The following EGFLAM variants were observed in gnomAD, a reference collection of about 807,000 sequenced individuals.
The protein encoded by EGFLAM is pikachurin.
In EGFLAM, 79 loss-of-function variants were observed where a neutral mutation model predicts 113.1. The ratio of observed to expected loss-of-function variants is 0.70; its 90% CI spans 0.58 to 0.84. The LOEUF (loss-of-function observed/expected upper bound fraction) is 0.84, where lower values mean the gene tolerates loss of function less well. Among genes scored for constraint, EGFLAM ranks in the 40% least tolerant of loss-of-function variants. The pLI is 0.00. For synonymous variants in EGFLAM, 504 were observed against 487.6 expected (o/e 1.03, Z -0.44); for missense variants, 1,265 against 1,291.6 (o/e 0.98, Z 0.32).
chr5:38,434,073 CCT>C lies in EGFLAM; in HGVS notation c.2167-1056_2167-1055del, dbSNP rs1330713139. Among the ~76,000 whole-genome samples, 7 of 152,248 alleles carry C rather than the reference CCT, an allele frequency of 4.6e-5. No homozygotes were observed. The East Asian group carries it at 1.4e-3, about 29-fold the overall frequency. On this transcript the variant is annotated intron_variant, in intron 15 of 21. Coordinates refer to ENST00000322350, the MANE Select transcript of EGFLAM (RefSeq NM_152403.4). The stretch of plus-strand genomic sequence containing the variant: ...GGCCAATGATCTTCCAAAGCACAGA[CCT>C]CTCTCTCCTGCTTAAGTCTCATTGC...
chr5:38,368,138 C>T (rs1223046762), intron 5 of EGFLAM, among the ~76,000 whole-genome samples: 3 of 152,112 alleles, frequency 2.0e-5, no homozygotes, highest in Admixed American at 6.6e-5. Context: ...GCTTAGCAAA[C>T]GATAGCAGAG....
intron 1 of EGFLAM, among the ~76,000 whole-genome samples, chr5:38,260,431 C>G (rs1156590516): frequency 6.6e-6 from 1 of 152,124 alleles, no homozygotes; most frequent in South Asian, 2.1e-4. Context: ...TATAAAACTG[C>G]TCATGTGGGT....
chr5:38,450,605 T>A (rs548882527), intron 18 of EGFLAM, among the ~76,000 whole-genome samples: 1 of 152,366 alleles, frequency 6.6e-6, no homozygotes, highest in South Asian at 2.1e-4. Context: ...CTGTGCAAGA[T>A]GAAACACTGA....
At chr5:38,339,042 C>A (rs1361787301) in intron 3 of EGFLAM, among the ~76,000 whole-genome samples, 1 of 152,174 alleles carries the variant, frequency 6.6e-6, no homozygotes, top group Non-Finnish European at 1.5e-5. Flanking sequence ...TGCAAGAAAA[C>A]TGCCACCTTA....
At chr5:38,330,130 C>G (rs1285734448) in intron 1 of EGFLAM, among the ~76,000 whole-genome samples, 1 of 152,128 alleles carries the variant, frequency 6.6e-6, no homozygotes, top group African/African-American at 2.4e-5. Context: ...GTTTTACCCT[C>G]CTTCTAGATG....
At chr5:38,459,298 C>A (rs1463127144) in intron 20 of EGFLAM, among the ~76,000 whole-genome samples, 3 of 147,926 alleles carry the variant, frequency 2.0e-5, no homozygotes, top group Non-Finnish European at 1.5e-5. Flanking sequence ...AGCCACTGCA[C>A]CTGGCCACTT....
intron 1 of EGFLAM, among the ~76,000 whole-genome samples, chr5:38,297,065 G>T (rs533760338): frequency 1.2e-4 from 19 of 152,302 alleles, no homozygotes; most frequent in African/African-American, 4.6e-4. Context: ...CAGATCGGGG[G>T]AGATTAAGAA....
chr5:38,440,512 A>G (rs1235517428), intron 17 of EGFLAM, among the ~76,000 whole-genome samples: 2 of 152,200 alleles, frequency 1.3e-5, no homozygotes, highest in Admixed American at 1.3e-4. Flanking sequence ...TTGGAAAGAA[A>G]AGGAAAAGAG....
chr5:38,440,314 C>T (rs1217154332), intron 17 of EGFLAM, among the ~76,000 whole-genome samples: 1 of 152,150 alleles, frequency 6.6e-6, no homozygotes, highest in Non-Finnish European at 1.5e-5. Context: ...GCAACCTTTC[C>T]AAATCCTGGG....
At chr5:38,341,621 T>C (rs1269868821) in intron 3 of EGFLAM, among the ~76,000 whole-genome samples, 1 of 152,216 alleles carries the variant, frequency 6.6e-6, no homozygotes, top group Non-Finnish European at 1.5e-5. Flanking sequence ...GGCATAGAGA[T>C]GCTATAAATA....
At chr5:38,321,775 C>T (rs1738749160) in intron 1 of EGFLAM, among the ~76,000 whole-genome samples, 1 of 152,122 alleles carries the variant, frequency 6.6e-6, no homozygotes, top group Admixed American at 6.6e-5. Context: ...CCAGCTGAGC[C>T]CAGTTTGTGA....
intron 12 of EGFLAM, among the ~76,000 whole-genome samples, chr5:38,424,124 G>A (rs897313918): frequency 2.0e-5 from 3 of 152,148 alleles, no homozygotes; most frequent in Non-Finnish European, 4.4e-5. Flanking sequence ...GCCAGATGGT[G>A]GTCCATCTGT....
At chr5:38,408,646 G>GA (rs1462884994) in intron 9 of EGFLAM, among the ~76,000 whole-genome samples, 1 of 152,192 alleles carries the variant, frequency 6.6e-6, no homozygotes, top group Non-Finnish European at 1.5e-5. Flanking sequence ...AGAACAAAGT[G>GA]AAAATAGAAT....
chr5:38,371,917 C>T (rs1206684502), intron 6 of EGFLAM, among the ~76,000 whole-genome samples: 2 of 152,144 alleles, frequency 1.3e-5, no homozygotes, highest in African/African-American at 4.8e-5. Context: ...AAGTGAGCAG[C>T]CACTTGGTGC....
intron 6 of EGFLAM, among the ~76,000 whole-genome samples, chr5:38,405,683 C>T (rs572869901): frequency 3.9e-5 from 6 of 152,134 alleles, no homozygotes; most frequent in Non-Finnish European, 8.8e-5. Flanking sequence ...TTTGAACACG[C>T]CTTTTGGTAC....
intron 1 of EGFLAM, among the ~76,000 whole-genome samples, chr5:38,334,445 G>A (rs1011337770): frequency 6.6e-6 from 1 of 152,104 alleles, no homozygotes; most frequent in Non-Finnish European, 1.5e-5. Context: ...CAGAAGGGGA[G>A]GGGGAGCTCT....
chr5:38,283,040 A>G lies in EGFLAM; in HGVS notation c.97+24189A>G, dbSNP rs543843875. Among the ~76,000 whole-genome samples, 4 of 152,226 alleles carry G rather than the reference A, an allele frequency of 2.6e-5. No homozygotes were observed. In the East Asian group the frequency reaches 7.7e-4, roughly 29 times the overall value. Reference sequence around the variant, plus strand: ...CTAATTGTTTTTGAATTTTTAGTAGAGACGAGGTCTCATTGTATTGCTCAG... The same window carrying G: ...CTAATTGTTTTTGAATTTTTAGTAGGGACGAGGTCTCATTGTATTGCTCAG... On this transcript the variant is annotated intron_variant, in intron 1 of 21. Transcript: ENST00000322350.
intron 6 of EGFLAM, among the ~76,000 whole-genome samples, chr5:38,391,744 G>C (rs181658950): frequency 6.6e-6 from 1 of 151,936 alleles, no homozygotes; most frequent in Non-Finnish European, 1.5e-5. Flanking sequence ...ATGATATCTG[G>C]TAGATGATTT....
intron 6 of EGFLAM, among the ~76,000 whole-genome samples, chr5:38,400,274 G>A (rs1445251414): frequency 2.0e-5 from 3 of 152,114 alleles, no homozygotes; most frequent in African/African-American, 7.2e-5. Context: ...TTAAAACAAA[G>A]CACAGGTTTT....
Sources: gnomAD v4.1 joint callset for allele counts (sites outside exome capture counted in the v4.1 genomes callset) on GRCh38, gnomAD v4.1.1 for gene constraint, MANE v1.5 for transcripts, NCBI Gene and HGNC (gene_info 2026-07-23, HGNC 2026-07-21) for gene names.